Variants in TCF20 observed in about 807,000 individuals in gnomAD.
The protein encoded by TCF20 is transcription factor 20.
In TCF20, 3 loss-of-function variants were observed where a neutral mutation model predicts 148.6. The observed-to-expected ratio is 0.02, with a 90% CI of 0.01 to 0.05. The LOEUF (loss-of-function observed/expected upper bound fraction) is 0.05. Among genes scored for constraint, TCF20 ranks in the 10% least tolerant of loss-of-function variants. The pLI, the probability that TCF20 is intolerant of heterozygous loss-of-function variation, is 1.00. For synonymous variants in TCF20, 1,049 were observed against 909.5 expected, an observed-to-expected ratio of 1.15 and a Z score of -2.76; for missense variants, 2,350 against 2,429.3, an observed-to-expected ratio of 0.97 and a Z score of 0.69.
chr22:42,236,741 T>G (rs74539107), intron 1 of TCF20, among the ~76,000 whole-genome samples: 4,183 of 152,306 alleles, frequency 0.027, 88 homozygotes, highest in Non-Finnish European at 0.042. Context: ...TTGCAGGTAT[T>G]GTGGGTCTGG....
intron 1 of TCF20, among the ~76,000 whole-genome samples, chr22:42,259,917 C>G (rs577280516): frequency 6.6e-6 from 1 of 152,204 alleles, no homozygotes; most frequent in East Asian, 1.9e-4. Flanking sequence ...GAGTTCAAGA[C>G]CAGCCTGGGC....
chr22:42,299,457 C>T lies in TCF20; in HGVS notation c.-37+44022G>A, dbSNP rs566760650. ...TAGCCAACCTCCAATGCCCTGGGGC[C>T]TCAATTTCCCCCAGGACAAAGGGGC... On this transcript the variant is annotated intron_variant, in intron 1 of 1. Transcript: ENST00000515426. This position sits in a 1 kb window ranked among gnomAD's most constrained non-coding sequence, Gnocchi z 4.1. Among the ~76,000 whole-genome samples the T allele has an allele frequency of 2.0e-5, 3 of 152,360 alleles. No individual in the cohort carries two copies. Among genetic ancestry groups the T allele is most frequent in the African/African-American group, 7.2e-5 (3 of 41,584 alleles).
At chr22:42,196,909 T>G (rs567950173) in intron 2 of TCF20, among the ~76,000 whole-genome samples, 11 of 152,224 alleles carry the variant, frequency 7.2e-5, no homozygotes, top group Non-Finnish European at 1.0e-4. Context: ...TGGTATTGTC[T>G]ATCTGCCTGT....
intron 3 of TCF20, among the ~76,000 whole-genome samples, chr22:42,175,391 AGT>A (rs1247174723): frequency 6.6e-6 from 1 of 152,020 alleles, no homozygotes; most frequent in Non-Finnish European, 1.5e-5. Context: ...GCCAGGCTGG[AGT>A]GCAGTGGCGT....
rs746494302 is a variant in TCF20, at chr22:42,211,196, C to A, written c.4110G>T (p.Ser1370=). ...TGTCTCCCCCAGCCTCCGCACTGTTCGAAGATGCGCTCCTCCTAATATTTG... is the reference window on the plus strand; with the variant it reads ...TGTCTCCCCCAGCCTCCGCACTGTTAGAAGATGCGCTCCTCCTAATATTTG... ...TSPNIRRSAS[S]NSAEAGGDTV... is the part of the protein sequence containing the mutation. The change falls in exon 2 of 6, where the codon TCG becomes TCT. Residue 1370 remains serine, a synonymous_variant. Transcript: ENST00000677622. The A allele has an allele frequency of 6.2e-7, 1 of 1,614,120 alleles. No individual in the cohort carries two copies. The highest frequency in any genetic ancestry group is 8.5e-7 in the Non-Finnish European group (1 of 1,180,014).
At position 42,292,787 on chromosome 22, in the gene TCF20, G is replaced by T. The variant is rs1927156275; in HGVS notation, c.-37+50692C>A. On this transcript the variant is annotated intron_variant, in intron 1 of 1. Transcript: ENST00000515426. The surrounding 1 kb of genome is among the most constrained non-coding windows in gnomAD (Gnocchi z 4.9). ...CAGCCAGCCCCTCTGCGCCTCCAGG[G>T]CCGGCCGAGCACTAGCCCAGGCCCA... Among the ~76,000 whole-genome samples, 1 of 151,762 alleles carries T rather than the reference G, an allele frequency of 6.6e-6. No individual in the cohort carries two copies. Among genetic ancestry groups the T allele is most frequent in the Admixed American group, 6.6e-5 (1 of 15,222 alleles).
rs1479276995 is a variant in TCF20 at position 42,215,637 on chromosome 22, A to C, written c.-36-296T>G. Among the ~76,000 whole-genome samples, 6 of 152,056 alleles carry C rather than the reference A, an allele frequency of 3.9e-5. 1 individual carries two copies. The highest frequency in any genetic ancestry group is 6.9e-3 in the Middle Eastern group (2 of 290). On this transcript the variant is annotated intron_variant, in intron 1 of 5. Coordinates refer to ENST00000677622, the MANE Select transcript of TCF20 (RefSeq NM_001378418.1). ...AGGCGCATGGCCACCAGGCTCGGCT[A>C]ATTTTTTGTATTTTTAGTAGAGACA...
chr22:42,278,756 A>C (rs1403948655), intron 1 of TCF20: 1 of 152,284 alleles, frequency 6.6e-6, no homozygotes, highest in Non-Finnish European at 1.5e-5. Flanking sequence ...CACTCGTAAC[A>C]TCCTCACAAC....
chr22:42,204,652 C>G (rs548375805), intron 2 of TCF20, among the ~76,000 whole-genome samples: 2 of 152,146 alleles, frequency 1.3e-5, no homozygotes, highest in African/African-American at 4.8e-5. Flanking sequence ...TGAGATCAGC[C>G]TGGCCAACAT....
chr22:42,318,678 G>C (rs1166904372), intron 1 of TCF20, among the ~76,000 whole-genome samples: 1 of 152,194 alleles, frequency 6.6e-6, no homozygotes, highest in East Asian at 1.9e-4. Flanking sequence ...CAGGCCCCCA[G>C]CCACCAGGCT....
At chr22:42,181,054 G>T (rs1379310511) in intron 2 of TCF20, among the ~76,000 whole-genome samples, 2 of 152,224 alleles carry the variant, frequency 1.3e-5, no homozygotes, top group Non-Finnish European at 2.9e-5. Context: ...CAAGTTCACA[G>T]CATTTCTAGT....
At chr22:42,223,804 G>C (rs868402615) in intron 1 of TCF20, among the ~76,000 whole-genome samples, 11 of 152,156 alleles carry the variant, frequency 7.2e-5, no homozygotes, top group African/African-American at 4.8e-5. Context: ...CTTCCTAAGT[G>C]TATCAAGCAT....
upstream of TCF20, among the ~76,000 whole-genome samples, chr22:42,271,455 CTGA>C (rs1601685914): frequency 6.6e-6 from 1 of 152,332 alleles, no homozygotes; most frequent in East Asian, 1.9e-4. Flanking sequence ...CTTTGCAAAC[CTGA>C]TGTTTCTAAA....
At position 42,168,721 on chromosome 22, in the gene TCF20, G is replaced by A. The variant is rs374553890; in HGVS notation, c.5815C>T (p.Pro1939Ser). The part of the protein sequence containing the change: ...CPKHKPPLPC[P>S]LPPLQNKTAK... ...GTCTTGTTCTGCAAGGGGGGGAGAG[G>A]GCACGGAAGGGGAGGCTGACACGGG... The change falls in exon 5 of 6, where the codon CCT becomes TCT. Residue 1939 changes from proline to serine, a missense_variant. By Grantham distance (74) the Pro-to-Ser change is moderately conservative. Transcript: ENST00000677622. The A allele has an allele frequency of 3.1e-6, 5 of 1,610,382 alleles. No individual in the cohort carries two copies. Among genetic ancestry groups the A allele is most frequent in the Non-Finnish European group, 4.2e-6 (5 of 1,178,712 alleles).
At chr22:42,342,318 G>C (rs1236776935) in intron 1 of TCF20, among the ~76,000 whole-genome samples, 1 of 152,208 alleles carries the variant, frequency 6.6e-6, no homozygotes, top group Non-Finnish European at 1.5e-5. Context: ...TGGACAGGCA[G>C]GTAGGAAGGC....
intron 1 of TCF20, among the ~76,000 whole-genome samples, chr22:42,253,964 T>C (rs1925575799): frequency 6.6e-6 from 1 of 150,908 alleles, no homozygotes; most frequent in Non-Finnish European, 1.5e-5. Flanking sequence ...TAATCTCAGC[T>C]ACTTGGGAGG....
In TCF20 at chr22:42,211,517, G is replaced by C. The variant is rs1569146601; in HGVS notation, c.3789C>G (p.Pro1263=). 2 of 1,614,214 alleles carry C rather than the reference G, an allele frequency of 1.2e-6. No individual in the cohort carries two copies. The highest frequency in any genetic ancestry group is 8.5e-7 in the Non-Finnish European group (1 of 1,180,040). Residue 1263 remains proline (P), a synonymous_variant, in exon 2 of 6, where the codon CCC becomes CCG. Coordinates refer to ENST00000677622, the MANE Select transcript of TCF20 (RefSeq NM_001378418.1). ...MRRRVRSFIS[P]IPSKRQSQDV... is the part of the protein sequence containing the mutation. The stretch of plus-strand genomic sequence containing the variant: ...CTTGTGACTGTCTCTTACTGGGAAT[G>C]GGAGAGATAAAAGAACGAACACGCC...
rs1423205224 is a variant in TCF20, at chr22:42,168,677, G to A, written c.5859C>T (p.Ser1953=). Residue 1953 remains serine (S), a synonymous_variant, in exon 5 of 6, where the codon AGC becomes AGT. Coordinates refer to ENST00000677622, the MANE Select transcript of TCF20 (RefSeq NM_001378418.1). ...CTCACCCCCGCTCCGACTGCTCTGTGCTGAGGCTGCCTTTCGCGGTCTTGT... is the reference window on the plus strand; with the variant it reads ...CTCACCCCCGCTCCGACTGCTCTGTACTGAGGCTGCCTTTCGCGGTCTTGT... ...LQNKTAKGSL[S]TEQSERG is the part of the protein sequence containing the mutation. 1 of 1,610,012 alleles carries A rather than the reference G, an allele frequency of 6.2e-7. No homozygotes were observed. The highest frequency in any genetic ancestry group is 8.5e-7 in the Non-Finnish European group (1 of 1,178,492).
At chr22:42,241,124 C>G (rs1031896104) in intron 1 of TCF20, among the ~76,000 whole-genome samples, 3 of 152,178 alleles carry the variant, frequency 2.0e-5, no homozygotes, top group Admixed American at 2.0e-4. Context: ...CCAAAGTGCT[C>G]TGGGATTACA....
Sources: allele counts gnomAD v4.1 joint callset (sites outside exome capture counted in the v4.1 genomes callset), GRCh38; gene constraint gnomAD v4.1.1; non-coding constraint Gnocchi (gnomAD v3.1); transcripts MANE v1.5; gene names NCBI Gene and HGNC (gene_info 2026-07-23, HGNC 2026-07-21).